CNTN1: variants seen among roughly 807,000 people sequenced by gnomAD.
CNTN1 encodes contactin-1.
Under a neutral mutation model 126.4 loss-of-function variants are expected in CNTN1, and 38 were observed. That is an observed-to-expected ratio of 0.30 (90% CI 0.23 to 0.39). The LOEUF (loss-of-function observed/expected upper bound fraction) is 0.39. Among genes scored for constraint, CNTN1 ranks in the 10% least tolerant of loss-of-function variants. The probability of loss-of-function intolerance (pLI) is 1.00; values close to 1 mark genes in which losing one functional copy is unlikely to be tolerated. For missense variants in CNTN1, 1,009 were observed against 1,248.4 expected (o/e 0.81, Z 2.89); for synonymous variants, 413 against 422.6 (o/e 0.98, Z 0.28).
At chr12:40,918,576 GTTCTCAAATT>G in intron 3 of CNTN1, 53 bp from the exon 4 acceptor site, 1 of 1,433,718 alleles carries the variant, frequency 7.0e-7, no homozygotes, top group South Asian at 1.2e-5. Context: ...TTTTTTCAAT[GTTCTCAAATT>G]TTCTTTGACT....
At chr12:40,953,814 TA>T (rs1411511011) in intron 14 of CNTN1, among the ~76,000 whole-genome samples, 1 of 151,988 alleles carries the variant, frequency 6.6e-6, no homozygotes, top group African/African-American at 2.4e-5. Context: ...CCTATCAGAA[TA>T]AAATAAGTGA....
chr12:40,787,802 C>A (rs1186606732), intron 1 of CNTN1, among the ~76,000 whole-genome samples: 6 of 152,112 alleles, frequency 3.9e-5, no homozygotes, highest in Non-Finnish European at 8.8e-5. Flanking sequence ...AGATGAATTT[C>A]ATTGTGTGAT....
intron 1 of CNTN1, among the ~76,000 whole-genome samples, chr12:40,876,669 T>C (rs1227138310): frequency 6.6e-6 from 1 of 152,156 alleles, no homozygotes; most frequent in Non-Finnish European, 1.5e-5. Context: ...TCTATTTTTA[T>C]ACCAAAACAT....
intron 23 of CNTN1, among the ~76,000 whole-genome samples, chr12:41,034,434 AC>A (rs1235881751): frequency 6.6e-6 from 1 of 152,184 alleles, no homozygotes; most frequent in African/African-American, 2.4e-5. Flanking sequence ...TAACTCCATC[AC>A]TACTCCTGTC....
intron 15 of CNTN1, among the ~76,000 whole-genome samples, chr12:40,966,034 ACACACG>A (rs1947297360): frequency 6.6e-6 from 1 of 150,734 alleles, no homozygotes; most frequent in African/African-American, 2.4e-5. Context: ...ACACACACAC[ACACACG>A]CACGCATTGG....
At chr12:40,884,674 G>C (rs1483674256) in intron 1 of CNTN1, among the ~76,000 whole-genome samples, 1 of 151,308 alleles carries the variant, frequency 6.6e-6, no homozygotes, top group African/African-American at 2.4e-5. Flanking sequence ...GCATTAAGTT[G>C]CATTTTTTAT....
intron 15 of CNTN1, chr12:40,971,757 C>A: frequency 8.1e-7 from 1 of 1,235,644 alleles, no homozygotes; most frequent in Non-Finnish European, 1.0e-6. Context: ...TATATAATGG[C>A]CAAGTGAAAG....
At chr12:40,927,875 G>A (rs1945749278) in intron 6 of CNTN1, among the ~76,000 whole-genome samples, 1 of 151,994 alleles carries the variant, frequency 6.6e-6, no homozygotes, top group Non-Finnish European at 1.5e-5. Context: ...TCCCTTATAA[G>A]GATCAAGTAC....
chr12:40,924,988 A>G (rs528352744), intron 6 of CNTN1, among the ~76,000 whole-genome samples: 1 of 150,584 alleles, frequency 6.6e-6, no homozygotes, highest in African/African-American at 2.4e-5. Context: ...GTACCAAGAA[A>G]GGATGTATAA....
chr12:41,061,071 T>G (rs1949928978), intron 23 of CNTN1, among the ~76,000 whole-genome samples: 1 of 152,174 alleles, frequency 6.6e-6, no homozygotes, highest in Admixed American at 6.5e-5. Context: ...GGTAACAGTA[T>G]GCAGATAGAA....
intron 17 of CNTN1, among the ~76,000 whole-genome samples, chr12:41,000,959 G>A (rs1185967085): frequency 6.6e-6 from 1 of 152,078 alleles, no homozygotes; most frequent in Non-Finnish European, 1.5e-5. Context: ...CAAAGTACAT[G>A]GTCTTGTTCT....
intron 5 of CNTN1, 81 bp downstream of exon 5, chr12:40,922,509 A>T (rs1166776730): frequency 7.6e-7 from 1 of 1,310,506 alleles, no homozygotes; most frequent in East Asian, 2.3e-5. Flanking sequence ...AAGGATAGTG[A>T]GAGGAAGGCA....
At position 40,920,616 on chromosome 12, in the gene CNTN1, A is replaced by G. The variant is rs958183077; in HGVS notation, c.228-1640A>G. On this transcript the variant is annotated intron_variant, in intron 4 of 23. Coordinates refer to ENST00000551295, the MANE Select transcript of CNTN1 (RefSeq NM_001843.4). ...CATAATTTCAGGACAAATTATACTA[A>G]CCTTGGTAATCATCCAATTTTTCAT... Among the ~76,000 whole-genome samples the G allele has an allele frequency of 4.6e-5, 7 of 152,276 alleles. No homozygotes were observed. The South Asian group carries it at 6.2e-4, about 14-fold the overall frequency.
chr12:40,814,288 T>C (rs1435713085), intron 1 of CNTN1, among the ~76,000 whole-genome samples: 3 of 152,254 alleles, frequency 2.0e-5, no homozygotes, highest in Admixed American at 2.0e-4. Flanking sequence ...ATGTCCTAAA[T>C]GGTATTACCT....
chr12:40,968,980 G>A (rs953233400), intron 15 of CNTN1, among the ~76,000 whole-genome samples: 2 of 152,130 alleles, frequency 1.3e-5, no homozygotes, highest in Non-Finnish European at 2.9e-5. Flanking sequence ...AAGTTAGAGA[G>A]TAGAGTAACA....
chr12:40,889,007 T>C (rs897636088), intron 1 of CNTN1, among the ~76,000 whole-genome samples: 9 of 152,262 alleles, frequency 5.9e-5, no homozygotes, highest in Non-Finnish European at 1.3e-4. Context: ...ATGCGCTCCA[T>C]GGAGCCAGTC....
At chr12:40,960,224 G>A (rs1947057862) in intron 15 of CNTN1, among the ~76,000 whole-genome samples, 1 of 146,416 alleles carries the variant, frequency 6.8e-6, no homozygotes, top group South Asian at 2.2e-4. Flanking sequence ...ATTCATATAT[G>A]TTTTTTTTTT....
chr12:40,872,206 CTTTGTTTGTG>C (rs1388961246), intron 1 of CNTN1, among the ~76,000 whole-genome samples: 1 of 86,920 alleles, frequency 1.2e-5, no homozygotes, highest in African/African-American at 6.0e-5. Context: ...TTTTCCGTTG[CTTTGTTTGTG>C]TGTGTGTGTG....
intron 1 of CNTN1, among the ~76,000 whole-genome samples, chr12:40,803,696 A>G (rs1267910913): frequency 6.6e-6 from 1 of 151,918 alleles, no homozygotes; most frequent in Admixed American, 6.6e-5. Context: ...AATTTATTAT[A>G]TATGATCTTT....
Sources: gnomAD v4.1 joint callset for allele counts (sites outside exome capture counted in the v4.1 genomes callset) on GRCh38, gnomAD v4.1.1 for gene constraint, MANE v1.5 for transcripts, NCBI Gene and HGNC (gene_info 2026-07-23, HGNC 2026-07-21) for gene names.